TSC22D2: variants seen among roughly 807,000 people sequenced by gnomAD.
The protein encoded by TSC22D2 is TSC22 domain family member 2, also known as TSC22 domain family protein 2.
A neutral mutation model predicts 50.1 loss-of-function variants in TSC22D2; 5 were observed. The ratio of observed to expected loss-of-function variants is 0.10; its 90% CI spans 0.05 to 0.21. The LOEUF is 0.21. Among genes scored for constraint, TSC22D2 ranks in the 10% least tolerant of loss-of-function variants. The probability of loss-of-function intolerance (pLI) is 1.00; values close to 1 mark genes in which losing one functional copy is unlikely to be tolerated. For synonymous variants in TSC22D2, 501 were observed against 450.1 expected (o/e 1.11, Z -1.43); for missense variants, 1,003 against 1,015.5 (o/e 0.99, Z 0.17).
At chr3:150,426,220 C>T (rs962787392) in intron 1 of TSC22D2, among the ~76,000 whole-genome samples, 3 of 152,212 alleles carry the variant, frequency 2.0e-5, no homozygotes, top group Non-Finnish European at 4.4e-5. Context: ...AATACTATAA[C>T]TTACATAGTT....
Position 150,408,714 on chromosome 3 carries a change from C to T in TSC22D2, c.-637C>T, listed in dbSNP as rs958017828. ...CCGGCTAGAGCCGGGGAGGGAGGGCCGCCTGCCCGCGCCACAGCCCCACCG... is the reference window on the plus strand; with the variant it reads ...CCGGCTAGAGCCGGGGAGGGAGGGCTGCCTGCCCGCGCCACAGCCCCACCG... On this transcript the variant is annotated 5_prime_UTR_variant, in exon 1 of 3. Coordinates refer to ENST00000688009, the MANE Select transcript of TSC22D2 (RefSeq NM_001303264.2). The T allele has an allele frequency of 6.5e-6, 1 of 153,046 alleles. No homozygotes were observed. The highest frequency in any genetic ancestry group is 1.5e-5 in the Non-Finnish European group (1 of 68,702). The allele number at this position is 153,046 out of a possible 1,614,324, so 9.5% of individuals were successfully genotyped here.
chr3:150,441,695 A>C (rs2108089976), intron 1 of TSC22D2, among the ~76,000 whole-genome samples: 1 of 152,220 alleles, frequency 6.6e-6, no homozygotes, highest in South Asian at 2.1e-4. Context: ...TCAAGGGTGC[A>C]GTGAGCCATG....
rs11330414 is a variant in TSC22D2, at chr3:150,459,572, G to GTTTTTTTTTTTTTTTTTTTTT, written c.*949_*950insTTTTTTTTTTTTTTTTTTTTT. 6.1e-5 allele frequency: 7 copies of GTTTTTTTTTTTTTTTTTTTTT among 115,536 alleles called. No homozygotes were observed. The highest frequency in any genetic ancestry group is 1.3e-4 in the African/African-American group (4 of 30,710). The allele number at this position is 115,536 out of a possible 1,614,324, so 7.2% of individuals were successfully genotyped here. Reference sequence around the variant, plus strand: ...TAATGGAGTTTGGTTTTTTTTTGTTGTTTTTTTTTTTTTGTCTTTTTTTTT... The same window carrying GTTTTTTTTTTTTTTTTTTTTT: ...TAATGGAGTTTGGTTTTTTTTTGTTGTTTTTTTTTTTTTTTTTTTTTTTTTTTTTTTTTTGTCTTTTTTTTT... On this transcript the variant is annotated 3_prime_UTR_variant, in exon 3 of 3. Transcript: ENST00000688009.
chr3:150,427,942 A>C (rs1426012974), intron 1 of TSC22D2, among the ~76,000 whole-genome samples: 1 of 152,130 alleles, frequency 6.6e-6, no homozygotes, highest in African/African-American at 2.4e-5. Flanking sequence ...CATGTTGTAC[A>C]ACCTTAGTAC....
At chr3:150,439,119 T>C (rs1186554924) in intron 1 of TSC22D2, among the ~76,000 whole-genome samples, 1 of 152,156 alleles carries the variant, frequency 6.6e-6, no homozygotes, top group Admixed American at 6.5e-5. Flanking sequence ...GGAGTCTGGA[T>C]TATTTGTCCA....
chr3:150,429,517 G>A (rs1720315272), intron 1 of TSC22D2, among the ~76,000 whole-genome samples: 1 of 152,116 alleles, frequency 6.6e-6, no homozygotes, highest in African/African-American at 2.4e-5. Flanking sequence ...AGGTCTCCAA[G>A]TTTTTAAAAG....
rs1288400597 is a variant in TSC22D2 at position 150,462,056 on chromosome 3, T to C, written c.*3420T>C. 5 of 152,144 alleles carry C rather than the reference T, an allele frequency of 3.3e-5. No homozygotes were observed. Among genetic ancestry groups the C allele is most frequent in the Non-Finnish European group, 5.9e-5 (4 of 68,028 alleles). The allele number at this position is 152,144 out of a possible 1,614,324, so 9.4% of individuals were successfully genotyped here. On this transcript the variant is annotated 3_prime_UTR_variant, in exon 3 of 3. Coordinates refer to ENST00000688009, the MANE Select transcript of TSC22D2 (RefSeq NM_001303264.2). ...AAAGGACAAAACCCAGCCCTCAAAA[T>C]TGACAATTTGAGGACATAATAAGCC... is the stretch of plus-strand genomic sequence containing the variant.
chr3:150,411,441 A>G (rs1034187564), intron 1 of TSC22D2, 133 bp downstream of exon 1: 7 of 910,494 alleles, frequency 7.7e-6, no homozygotes, highest in Non-Finnish European at 1.1e-5. Flanking sequence ...TTTTGGTAAA[A>G]TTGATTTAGA....
Position 150,460,712 on chromosome 3 carries a change from G to C in TSC22D2, c.*2076G>C, listed in dbSNP as rs977681274. On this transcript the variant is annotated 3_prime_UTR_variant, in exon 3 of 3. Coordinates refer to ENST00000688009, the MANE Select transcript of TSC22D2 (RefSeq NM_001303264.2). ...TCACTGTTGGACTGTTAACCGAAAA[G>C]GTTTGCTGGCTGTGCCCCTCCAGTG... The C allele has an allele frequency of 2.4e-5, 3 of 127,362 alleles. No homozygotes were observed. Among genetic ancestry groups the C allele is most frequent in the African/African-American group, 7.9e-5 (3 of 38,164 alleles). 7.9% of individuals were successfully genotyped at this position (127,362 alleles called of 1,614,324 possible).
intron 1 of TSC22D2, 47 bp downstream of exon 1, chr3:150,411,355 C>T: frequency 2.6e-6 from 4 of 1,532,844 alleles, no homozygotes; most frequent in Non-Finnish European, 2.6e-6. Context: ...GCTTGGCCAA[C>T]ATTGTAGCTT....
intron 1 of TSC22D2, chr3:150,422,932 TTTA>T (rs1410823024): frequency 1.6e-5 from 11 of 674,774 alleles, no homozygotes; most frequent in African/African-American, 9.4e-5. Context: ...TTAAAATCTT[TTTA>T]TTATTAAAAG....
chr3:150,409,940 G>A lies in TSC22D2; in HGVS notation c.590G>A (p.Arg197Lys), dbSNP rs754260952. 9 of 1,614,036 alleles carry A rather than the reference G, an allele frequency of 5.6e-6. No homozygotes were observed. In the Middle Eastern group the frequency reaches 8.2e-4, roughly 148 times the overall value. Residue 197 changes from arginine to lysine, a missense_variant, in exon 1 of 3, where the codon AGA becomes AAA. By Grantham distance (26) the Arg-to-Lys change is conservative (BLOSUM62 2). Coordinates refer to ENST00000688009, the MANE Select transcript of TSC22D2 (RefSeq NM_001303264.2). The surrounding 1 kb of genome is among the most constrained non-coding windows in gnomAD (Gnocchi z 7.4). ...ERDSDSSVLT[R>K]SGDCIRHSST... Reference sequence around the variant, plus strand: ...GATTCAGACAGCAGCGTCCTGACTAGATCCGGGGATTGCATTAGACACAGC... The same window carrying A: ...GATTCAGACAGCAGCGTCCTGACTAAATCCGGGGATTGCATTAGACACAGC...
At chr3:150,423,284 CTATTT>C (rs1320997238) in intron 1 of TSC22D2, 10 of 449,390 alleles carry the variant, frequency 2.2e-5, no homozygotes, top group African/African-American at 2.0e-4. Flanking sequence ...AGGACAATCT[CTATTT>C]TATATAGAAA....
intron 1 of TSC22D2, among the ~76,000 whole-genome samples, chr3:150,447,480 T>C (rs2108096753): frequency 6.6e-6 from 1 of 152,320 alleles, no homozygotes; most frequent in East Asian, 1.9e-4. Context: ...TCTATATTTC[T>C]CCAACAGGAT....
At chr3:150,436,450 C>T (rs1269781455) in intron 1 of TSC22D2, among the ~76,000 whole-genome samples, 1 of 151,932 alleles carries the variant, frequency 6.6e-6, no homozygotes, top group African/African-American at 2.4e-5. Context: ...GCAGATTTAC[C>T]AGCATTATAG....
At chr3:150,445,936 A>C (rs1405097819) in intron 1 of TSC22D2, among the ~76,000 whole-genome samples, 1 of 151,968 alleles carries the variant, frequency 6.6e-6, no homozygotes, top group African/African-American at 2.4e-5. Context: ...TCTACTAAAA[A>C]TACAAAAAGT....
chr3:150,410,952 T>G lies in TSC22D2; in HGVS notation c.1602T>G (p.Pro534=), dbSNP rs777322697. 9.3e-6 allele frequency: 15 copies of G among 1,614,030 alleles called. No homozygotes were observed. The highest frequency in any genetic ancestry group is 1.1e-5 in the South Asian group (1 of 91,090). The change falls in exon 1 of 3, where the codon CCT becomes CCG. Residue 534 remains proline (P), a synonymous_variant. Transcript: ENST00000688009. The part of the protein sequence containing the change: ...TSVTMPNVPA[P]LAQSQQLSSH... ...TTACTATGCCAAATGTACCCGCGCC[T>G]CTGGCCCAGTCGCAACAGCTGAGCA... is the stretch of plus-strand genomic sequence containing the variant.
At chr3:150,422,223 A>C (rs1720034182) in intron 1 of TSC22D2, among the ~76,000 whole-genome samples, 1 of 152,212 alleles carries the variant, frequency 6.6e-6, no homozygotes, top group African/African-American at 2.4e-5. Context: ...GTACAGGTTG[A>C]AGGTGGGGGA....
At chr3:150,423,091 G>A (rs1487228793) in intron 1 of TSC22D2, 5 of 1,612,784 alleles carry the variant, frequency 3.1e-6, no homozygotes, top group Non-Finnish European at 4.2e-6. Context: ...ATTTGAACAC[G>A]TTAAAGGAAT....
Sources: allele counts gnomAD v4.1 joint callset (sites outside exome capture counted in the v4.1 genomes callset), GRCh38; gene constraint gnomAD v4.1.1; non-coding constraint Gnocchi (gnomAD v3.1); transcripts MANE v1.5; gene names NCBI Gene and HGNC (gene_info 2026-07-23, HGNC 2026-07-21).